The following MACROD2 variants were observed in gnomAD, a reference collection of about 807,000 sequenced individuals.
MACROD2 encodes mono-ADP ribosylhydrolase 2.
In MACROD2, 36 loss-of-function variants were observed where a neutral mutation model predicts 70.4. The observed-to-expected ratio is 0.51, with a 90% CI of 0.39 to 0.68. MACROD2 has a LOEUF of 0.68. Ranked by LOEUF, MACROD2 falls within the 30% of genes least tolerant of loss-of-function variation. The pLI is 0.00. For synonymous variants in MACROD2, 172 were observed against 178.8 expected (o/e 0.96, Z 0.30); for missense variants, 496 against 538.4 (o/e 0.92, Z 0.78).
intron 4 of MACROD2, among the ~76,000 whole-genome samples, chr20:14,674,036 A>G (rs2070829303): frequency 6.6e-6 from 1 of 152,220 alleles, no homozygotes; most frequent in South Asian, 2.1e-4. Flanking sequence ...GTAATACATT[A>G]ATATGTGACC....
intron 15 of MACROD2, among the ~76,000 whole-genome samples, chr20:16,009,000 C>T (rs1319544325): frequency 6.6e-6 from 1 of 152,174 alleles, no homozygotes; most frequent in African/African-American, 2.4e-5. Context: ...AAAGAGACCT[C>T]ATTGAAGAGA....
chr20:14,411,920 G>A (rs1339008503), intron 3 of MACROD2, among the ~76,000 whole-genome samples: 1 of 152,010 alleles, frequency 6.6e-6, no homozygotes, highest in East Asian at 1.9e-4. Context: ...GTGGAAGACG[G>A]AATTTTCTAT....
intron 3 of MACROD2, among the ~76,000 whole-genome samples, chr20:14,189,015 T>C (rs1028420021): frequency 3.3e-5 from 5 of 152,196 alleles, no homozygotes; most frequent in African/African-American, 1.2e-4. Flanking sequence ...TTTCATTCAG[T>C]GGTAGAGTGG....
intron 2 of MACROD2, among the ~76,000 whole-genome samples, chr20:14,078,533 A>C (rs2053947010): frequency 6.6e-6 from 1 of 151,980 alleles, no homozygotes; most frequent in South Asian, 2.1e-4. Context: ...CAGCCTCCCG[A>C]GTACCTGGGA....
intron 8 of MACROD2, among the ~76,000 whole-genome samples, chr20:15,752,431 T>C (rs1187622594): frequency 3.3e-5 from 5 of 152,062 alleles, no homozygotes; most frequent in African/African-American, 1.2e-4. Flanking sequence ...TTCTCTTTAG[T>C]TGTGATTTCT....
intron 6 of MACROD2, among the ~76,000 whole-genome samples, chr20:15,427,466 A>G (rs1198274020): frequency 1.3e-5 from 2 of 152,228 alleles, no homozygotes; most frequent in African/African-American, 4.8e-5. Context: ...AGCCCAGATC[A>G]GTTCCCAGAA....
At chr20:14,630,233 TAATTGGGGGATCTGGGTCAGAATGGAG>T (rs1376299020) in intron 4 of MACROD2, among the ~76,000 whole-genome samples, 1 of 152,110 alleles carries the variant, frequency 6.6e-6, no homozygotes, top group Non-Finnish European at 1.5e-5. Context: ...CTGCGGAATG[TAATTGGGGGATCTGGGTCAGAATGGAG>T]AAAAAGCAAG....
rs145495885 is a variant in MACROD2, at chr20:14,201,710, G to A, written c.271+115982G>A. ...CAAAAATTAGCCAGGCGTGGTGGTG[G>A]GCACCTGTAATCCCAGCTACTTGGG... is the stretch of plus-strand genomic sequence containing the variant. On this transcript the variant is annotated intron_variant, in intron 3 of 17. Transcript: ENST00000684519. Among the ~76,000 whole-genome samples, 1,414 of 151,906 alleles carry A rather than the reference G, an allele frequency of 9.3e-3. 9 individuals carry two copies. The highest frequency in any genetic ancestry group is 0.038 in the Middle Eastern group (11 of 292).
intron 7 of MACROD2, among the ~76,000 whole-genome samples, chr20:15,448,217 G>A (rs913948729): frequency 2.0e-5 from 3 of 152,026 alleles, no homozygotes; most frequent in Admixed American, 1.3e-4. Flanking sequence ...TGGCTTTCAA[G>A]CCCTAGAGTG....
intron 3 of MACROD2, among the ~76,000 whole-genome samples, chr20:14,128,687 G>A (rs963247985): frequency 6.6e-6 from 1 of 152,208 alleles, no homozygotes; most frequent in African/African-American, 2.4e-5. Flanking sequence ...GGCTTAAAGT[G>A]TCAAAGGACA....
In MACROD2 at chr20:14,535,479, T is replaced by C. The variant is rs1175050738; in HGVS notation, c.301+41971T>C. ...GAGATGGCGCCATTGTACTCCAGCCTGTGCAACAAGAGTGAAACTCCGTCT... is the reference window on the plus strand; with the variant it reads ...GAGATGGCGCCATTGTACTCCAGCCCGTGCAACAAGAGTGAAACTCCGTCT... On this transcript the variant is annotated intron_variant, in intron 4 of 17. Coordinates refer to ENST00000684519, the MANE Select transcript of MACROD2 (RefSeq NM_001351661.2). 2.3e-5 allele frequency among the ~76,000 whole-genome samples: 3 copies of C among 128,036 alleles called. No individual in the cohort carries two copies. In the East Asian group the frequency reaches 6.8e-4, roughly 29 times the overall value. 84.0% of individuals were successfully genotyped at this position (128,036 alleles called of 152,430 possible). A position where few individuals can be genotyped will look rare whatever the true frequency, so the allele number is the denominator to read the frequency against.
At chr20:14,380,144 T>C (rs186097604) in intron 3 of MACROD2, among the ~76,000 whole-genome samples, 359 of 152,224 alleles carry the variant, frequency 2.4e-3, no homozygotes, top group African/African-American at 8.0e-3. Flanking sequence ...TTAGCCATCC[T>C]AGTGGGTATG....
At chr20:15,727,265 T>G (rs899719750) in intron 8 of MACROD2, among the ~76,000 whole-genome samples, 5 of 152,130 alleles carry the variant, frequency 3.3e-5, no homozygotes, top group Admixed American at 6.6e-5. Context: ...GCAGCTTTAT[T>G]TCTAGGTTTT....
chr20:14,168,030 T>C (rs2081186744), intron 3 of MACROD2, among the ~76,000 whole-genome samples: 1 of 152,176 alleles, frequency 6.6e-6, no homozygotes, highest in Admixed American at 6.5e-5. Context: ...CTCATAGTAA[T>C]CTATAAAAAT....
chr20:14,599,964 G>T (rs1982380430), intron 4 of MACROD2, among the ~76,000 whole-genome samples: 1 of 152,044 alleles, frequency 6.6e-6, no homozygotes, highest in Non-Finnish European at 1.5e-5. Flanking sequence ...GAATTAAGGT[G>T]GTGAAAGGAC....
chr20:14,405,307 C>T (rs533881416), intron 3 of MACROD2, among the ~76,000 whole-genome samples: 5 of 152,180 alleles, frequency 3.3e-5, no homozygotes, highest in East Asian at 1.9e-4. Context: ...AGCCCCTTTT[C>T]GGCTGCTATG....
intron 3 of MACROD2, among the ~76,000 whole-genome samples, chr20:14,273,396 T>C (rs1290493984): frequency 6.7e-6 from 1 of 150,280 alleles, no homozygotes; most frequent in African/African-American, 2.5e-5. Context: ...GAATGACTAC[T>C]GGGTACATAA....
At chr20:15,146,674 T>C (rs2076232552) in intron 5 of MACROD2, among the ~76,000 whole-genome samples, 1 of 152,180 alleles carries the variant, frequency 6.6e-6, no homozygotes, top group South Asian at 2.1e-4. Flanking sequence ...TCCTGACTCC[T>C]TTATATGACG....
chr20:15,011,225 G>A (rs181275133), intron 5 of MACROD2, among the ~76,000 whole-genome samples: 1 of 152,104 alleles, frequency 6.6e-6, no homozygotes, highest in Non-Finnish European at 1.5e-5. Context: ...GTCACTTAGG[G>A]TCAGTAGTTT....
Sources: allele counts gnomAD v4.1 joint callset (sites outside exome capture counted in the v4.1 genomes callset), GRCh38; gene constraint gnomAD v4.1.1; transcripts MANE v1.5; gene names NCBI Gene and HGNC (gene_info 2026-07-23, HGNC 2026-07-21).